CCDC138: variants seen among roughly 807,000 people sequenced by gnomAD.
CCDC138 encodes the protein coiled-coil domain containing 138, also known as coiled-coil domain-containing protein 138.
In CCDC138, 66 loss-of-function variants were observed where a neutral mutation model predicts 82.3. That is an observed-to-expected ratio of 0.80 (90% CI 0.66 to 0.98). CCDC138 has a LOEUF of 0.98. Among genes scored for constraint, CCDC138 ranks in the 50% least tolerant of loss-of-function variants. CCDC138 has a pLI of 0.00. For missense variants in CCDC138, 816 were observed against 758.9 expected (o/e 1.08, Z -0.88); for synonymous variants, 297 against 265.4 (o/e 1.12, Z -1.16).
intron 10 of CCDC138, among the ~76,000 whole-genome samples, chr2:108,819,329 G>A (rs188351935): frequency 9.2e-5 from 14 of 152,242 alleles, no homozygotes; most frequent in South Asian, 2.1e-4. Context: ...ATTCCCTACC[G>A]TCTCCCTTGG....
At chr2:108,874,750 G>C (rs1695773543) in intron 14 of CCDC138, among the ~76,000 whole-genome samples, 1 of 152,090 alleles carries the variant, frequency 6.6e-6, no homozygotes, top group Non-Finnish European at 1.5e-5. Flanking sequence ...GACTGACCAA[G>C]TTACTAGCGC....
chr2:108,818,513 T>C (rs1558668244), intron 10 of CCDC138, among the ~76,000 whole-genome samples: 1 of 152,182 alleles, frequency 6.6e-6, no homozygotes, highest in African/African-American at 2.4e-5. Context: ...TTAATTACTA[T>C]ATAATAATAA....
chr2:108,821,212 G>A (rs1685636930), intron 10 of CCDC138, among the ~76,000 whole-genome samples: 1 of 152,030 alleles, frequency 6.6e-6, no homozygotes, highest in Admixed American at 6.6e-5. Context: ...ATAAAAATTA[G>A]CCAGGCATGG....
rs138534800 is a variant in CCDC138, at chr2:108,794,403, A to G, written c.395-137A>G. On this transcript the variant is annotated intron_variant, in intron 4 of 14. Coordinates refer to ENST00000295124, the MANE Select transcript of CCDC138 (RefSeq NM_144978.3). ...ATGTTACCACTTTACCATATTTGCT[A>G]TATTTTTCTTTGTCTCTCTTGAAAC... 435 of 772,434 alleles carry G rather than the reference A, an allele frequency of 5.6e-4. 3 individuals are homozygous for G. The African/African-American group carries it at 6.6e-3, about 12-fold the overall frequency. 47.8% of individuals were successfully genotyped at this position (772,434 alleles called of 1,614,324 possible). A position where few individuals can be genotyped will look rare whatever the true frequency, so the allele number is the denominator to read the frequency against.
intron 7 of CCDC138, among the ~76,000 whole-genome samples, chr2:108,809,792 C>T (rs1683485730): frequency 9.5e-6 from 1 of 105,352 alleles, no homozygotes; most frequent in Admixed American, 1.1e-4. Context: ...GACTCATTTC[C>T]AATTTTTGTT....
rs763680472 is a variant in CCDC138, at chr2:108,876,240, G to A, written c.1985G>A (p.Ser662Asn). 1 of 1,609,678 alleles carries A rather than the reference G, an allele frequency of 6.2e-7. No homozygotes were observed. Among genetic ancestry groups the A allele is most frequent in the Admixed American group, 1.7e-5 (1 of 59,734 alleles). ...GLTKCNSLVS[S>N]ASP The stretch of plus-strand genomic sequence containing the variant: ...ACAAAATGTAACTCCCTGGTCTCCA[G>A]TGCAAGCCCTTAGACTGGCTAATTT... The change falls in exon 15 of 15, where the codon AGT (serine) becomes AAT (asparagine). Residue 662 changes from serine to asparagine, a missense_variant. By Grantham distance (46) the Ser-to-Asn change is conservative. Transcript: ENST00000295124.
At chr2:108,880,232 A>T (rs895226023), downstream of CCDC138, among the ~76,000 whole-genome samples, 6 of 152,020 alleles carry the variant, frequency 3.9e-5, no homozygotes, top group Non-Finnish European at 8.8e-5. Context: ...AACAAAAAAA[A>T]AAACGAGAGA....
At chr2:108,814,987 A>G (rs1402552362) in intron 9 of CCDC138, among the ~76,000 whole-genome samples, 1 of 152,110 alleles carries the variant, frequency 6.6e-6, no homozygotes, top group Non-Finnish European at 1.5e-5. Flanking sequence ...TAAGGTGGAT[A>G]TGTGTAGTGG....
rs138617296 is a variant in CCDC138, at chr2:108,813,076, C to T, written c.1041+149C>T. 2,446 of 557,974 alleles carry T rather than the reference C, an allele frequency of 4.4e-3. 61 individuals are homozygous for T. The African/African-American group carries it at 0.044, about 10-fold the overall frequency. The allele number at this position is 557,974 out of a possible 1,614,324, so 34.6% of individuals were successfully genotyped here. Reference sequence around the variant, plus strand: ...CATCCTGGCCAACATGGTGAAACCCCGTTTCTACTAAAAATACAGAAAATT... The same window carrying T: ...CATCCTGGCCAACATGGTGAAACCCTGTTTCTACTAAAAATACAGAAAATT... On this transcript the variant is annotated intron_variant, in intron 9 of 14. Transcript: ENST00000295124.
intron 12 of CCDC138, among the ~76,000 whole-genome samples, chr2:108,853,713 A>G (rs1396656587): frequency 6.7e-6 from 1 of 148,230 alleles, no homozygotes; most frequent in Non-Finnish European, 1.5e-5. Context: ...TTTTGTAGAG[A>G]TGAGCTCTTG....
At chr2:108,833,090 A>G (rs930874674) in intron 10 of CCDC138, among the ~76,000 whole-genome samples, 1 of 152,246 alleles carries the variant, frequency 6.6e-6, no homozygotes, top group Admixed American at 6.5e-5. Context: ...TAAAGAGATC[A>G]GTAGCTGCCA....
At chr2:108,796,456 A>G (rs1680909748) in intron 5 of CCDC138, among the ~76,000 whole-genome samples, 1 of 152,206 alleles carries the variant, frequency 6.6e-6, no homozygotes. Flanking sequence ...GAACTACCGT[A>G]TGATCCAGCA....
intron 11 of CCDC138, among the ~76,000 whole-genome samples, chr2:108,844,961 T>A (rs1489805422): frequency 1.3e-5 from 2 of 152,142 alleles, no homozygotes; most frequent in East Asian, 3.9e-4. Flanking sequence ...TTGGCCAGAA[T>A]GGTCTTGATA....
At chr2:108,808,793 G>A (rs1386773390) in intron 7 of CCDC138, among the ~76,000 whole-genome samples, 1 of 152,028 alleles carries the variant, frequency 6.6e-6, no homozygotes, top group Non-Finnish European at 1.5e-5. Flanking sequence ...CTCCTATTCT[G>A]CAGGTTGTAT....
intron 7 of CCDC138, among the ~76,000 whole-genome samples, chr2:108,810,071 G>T (rs1048507729): frequency 1.3e-5 from 2 of 152,106 alleles, no homozygotes; most frequent in African/African-American, 4.8e-5. Context: ...CTCCCATATT[G>T]CTGAGATTAC....
chr2:108,882,962 G>A (rs1259883241), intron 2 of CCDC138: 1 of 152,050 alleles, frequency 6.6e-6, no homozygotes, highest in Non-Finnish European at 1.5e-5. Context: ...GTGAGGTAGG[G>A]GTTTAAGGAT....
chr2:108,822,268 A>G (rs75595234), intron 10 of CCDC138, among the ~76,000 whole-genome samples: 3,189 of 152,320 alleles, frequency 0.021, 105 homozygotes, highest in African/African-American at 0.073. Context: ...TAAATGAGAA[A>G]TATTTATGCC....
chr2:108,883,803 C>G (rs1696356404), intron 2 of CCDC138: 2 of 152,280 alleles, frequency 1.3e-5, no homozygotes, highest in African/African-American at 4.8e-5. Context: ...TTCCCTAAAC[C>G]TCACTCCTCT....
chr2:108,851,097 A>G (rs1691400408), intron 12 of CCDC138, among the ~76,000 whole-genome samples: 2 of 152,134 alleles, frequency 1.3e-5, no homozygotes, highest in South Asian at 4.1e-4. Context: ...GGAGTAGCTC[A>G]TAGAACTCAG....
Sources: gnomAD v4.1 joint callset for allele counts (sites outside exome capture counted in the v4.1 genomes callset) on GRCh38, gnomAD v4.1.1 for gene constraint, MANE v1.5 for transcripts, NCBI Gene and HGNC (gene_info 2026-07-23, HGNC 2026-07-21) for gene names.